The following PRKCH variants were observed in gnomAD, a reference collection of about 807,000 sequenced individuals.
PRKCH encodes the protein protein kinase C eta.
PRKCH carries 28 observed loss-of-function variants against 82.5 expected under a neutral mutation model. The ratio of observed to expected loss-of-function variants is 0.34; its 90% CI spans 0.25 to 0.47. The LOEUF is 0.47. PRKCH is among the 20% of genes least tolerant of loss of function. The pLI is 1.00. For synonymous variants in PRKCH, 322 were observed against 327.4 expected, an observed-to-expected ratio of 0.98 and a Z score of 0.18; for missense variants, 705 against 881.8, an observed-to-expected ratio of 0.80 and a Z score of 2.54.
At chr14:61,474,664 C>A (rs1301918350) in intron 9 of PRKCH, among the ~76,000 whole-genome samples, 1 of 152,122 alleles carries the variant, frequency 6.6e-6, no homozygotes, top group East Asian at 1.9e-4. Flanking sequence ...ATGTAACAAA[C>A]CTGCACGTTG....
chr14:61,322,103 TGTC>T lies in PRKCH; in HGVS notation c.6_8del (p.Ser3?). The T allele has an allele frequency of 6.5e-7, 1 of 1,549,100 alleles. No homozygotes were observed. Among genetic ancestry groups the T allele is most frequent in the Non-Finnish European group, 8.8e-7 (1 of 1,142,132 alleles). On this transcript the variant is annotated start_lost and inframe_deletion, in exon 1 of 14. Coordinates refer to ENST00000332981, the MANE Select transcript of PRKCH (RefSeq NM_006255.5). ...CGGGGCCGGGGCAGCGGCGCCGGCA[TGTC>T]GTCTGGCACCATGAAGTTCAATGGC...
intron 1 of PRKCH, among the ~76,000 whole-genome samples, chr14:61,210,446 C>T (rs2044565693): frequency 6.6e-6 from 1 of 152,198 alleles, no homozygotes; most frequent in Non-Finnish European, 1.5e-5. Flanking sequence ...CAGCCTTTCC[C>T]CAACTTTACC....
rs986163412 is a variant in PRKCH, at chr14:61,324,142, G to A, written c.363+1678G>A. 3.3e-5 allele frequency among the ~76,000 whole-genome samples: 5 copies of A among 152,156 alleles called. No individual in the cohort carries two copies. In the South Asian group the frequency reaches 8.3e-4, roughly 25 times the overall value. ...CACCAGGTGATTCCAGTATGCAGTC[G>A]AGGTGGAGAACCTGCAGCCTACATG... On this transcript the variant is annotated intron_variant, in intron 1 of 13. Transcript: ENST00000332981.
intron 2 of PRKCH, among the ~76,000 whole-genome samples, chr14:61,413,994 C>T (rs915422548): frequency 1.3e-5 from 2 of 152,164 alleles, no homozygotes; most frequent in Non-Finnish European, 2.9e-5. Flanking sequence ...TTTTTGACTT[C>T]TGCAACTCTG....
At chr14:61,235,621 C>T (rs1222952661) in intron 1 of PRKCH, among the ~76,000 whole-genome samples, 1 of 152,170 alleles carries the variant, frequency 6.6e-6, no homozygotes, top group Non-Finnish European at 1.5e-5. Context: ...TGGCCATCTC[C>T]AAAATACAAT....
chr14:61,449,098 C>A, intron 4 of PRKCH, 66 bp from the exon 5 acceptor site: 2 of 1,475,826 alleles, frequency 1.4e-6, no homozygotes, highest in South Asian at 1.1e-5. Context: ...CCCTGGTTGA[C>A]TCTGCTGTAA....
intron 1 of PRKCH, among the ~76,000 whole-genome samples, chr14:61,308,723 G>A (rs2045499933): frequency 6.6e-6 from 1 of 152,032 alleles, no homozygotes; most frequent in South Asian, 2.1e-4. Flanking sequence ...CAAACTGCTG[G>A]GCTCAAGTGA....
intron 3 of PRKCH, among the ~76,000 whole-genome samples, 200 bp from the exon 4 acceptor site, chr14:61,445,492 A>G (rs187509974): frequency 2.0e-5 from 3 of 152,372 alleles, no homozygotes; most frequent in Admixed American, 6.5e-5. Context: ...TGTATCATAC[A>G]GCACATTCTA....
rs548501529 is a variant in PRKCH at position 61,209,492 on chromosome 14, A to G, written c.-19+21824A>G. On this transcript the variant is annotated intron_variant, in intron 1 of 3. Transcript: ENST00000555185. The stretch of plus-strand genomic sequence containing the variant: ...ATCATAGCATCCCGAGCTGACTGAG[A>G]CAACCACCAAGAGTAACTATCATGA... Among the ~76,000 whole-genome samples the G allele has an allele frequency of 5.9e-5, 9 of 152,090 alleles. No homozygotes were observed. In the East Asian group the frequency reaches 9.7e-4, roughly 16 times the overall value.
intron 1 of PRKCH, among the ~76,000 whole-genome samples, chr14:61,380,284 TG>T (rs1479913667): frequency 2.0e-5 from 3 of 149,660 alleles, no homozygotes; most frequent in Non-Finnish European, 4.4e-5. Context: ...CTTGAACTCC[TG>T]GACTCAAGTG....
At chr14:61,426,941 G>A (rs965311069) in intron 2 of PRKCH, among the ~76,000 whole-genome samples, 1 of 152,212 alleles carries the variant, frequency 6.6e-6, no homozygotes, top group Admixed American at 6.5e-5. Context: ...TGTCGACAAA[G>A]AGTCAAACTC....
At chr14:61,468,954 T>TGGCGCTATA (rs1885381162) in intron 9 of PRKCH, among the ~76,000 whole-genome samples, 10 of 152,212 alleles carry the variant, frequency 6.6e-5, no homozygotes, top group Admixed American at 6.5e-4. Context: ...TACTCTGGCT[T>TGGCGCTATA]CAGTAGGGCC....
intron 9 of PRKCH, among the ~76,000 whole-genome samples, chr14:61,474,914 C>A (rs1885664018): frequency 6.6e-6 from 1 of 152,194 alleles, no homozygotes; most frequent in Admixed American, 6.5e-5. Flanking sequence ...GAAATGAATT[C>A]TCAGCCAGTA....
Position 61,531,013 on chromosome 14 carries a change from C to T in PRKCH, c.1761+418C>T, listed in dbSNP as rs975487364. Among the ~76,000 whole-genome samples the T allele has an allele frequency of 8.5e-5, 13 of 152,112 alleles. No homozygotes were observed. The South Asian group carries it at 2.3e-3, about 27-fold the overall frequency. On this transcript the variant is annotated intron_variant, in intron 12 of 13. Coordinates refer to ENST00000332981, the MANE Select transcript of PRKCH (RefSeq NM_006255.5). Reference sequence around the variant, plus strand: ...TCTTCAAGTTGCAGGATGAAGCGGTCGGGTCTTTCTCTTAGGGCTGGGAGA... The same window carrying T: ...TCTTCAAGTTGCAGGATGAAGCGGTTGGGTCTTTCTCTTAGGGCTGGGAGA...
chr14:61,277,089 G>A (rs1383494864), intron 1 of PRKCH, among the ~76,000 whole-genome samples: 2 of 152,146 alleles, frequency 1.3e-5, no homozygotes, highest in Admixed American at 6.5e-5. Flanking sequence ...GGGAGGCTGA[G>A]ACACGAGAAT....
rs186724661 is a variant in PRKCH, at chr14:61,196,572, G to C, written c.-19+8904G>C. On this transcript the variant is annotated intron_variant, in intron 1 of 3. Transcript: ENST00000555185. ...TACATTAAAACTAAAAGTAATTTTA[G>C]TTGACAGGACTATAAAAGTTAGTGC... Among the ~76,000 whole-genome samples, 12 of 152,324 alleles carry C rather than the reference G, an allele frequency of 7.9e-5. No homozygotes were observed. In the East Asian group the frequency reaches 2.3e-3, roughly 29 times the overall value.
intron 1 of PRKCH, among the ~76,000 whole-genome samples, chr14:61,273,220 TA>T (rs2045173850): frequency 6.6e-6 from 1 of 152,180 alleles, no homozygotes; most frequent in African/African-American, 2.4e-5. Flanking sequence ...TGAACTTAAA[TA>T]ACTATGGTGT....
chr14:61,449,141 A>G, intron 4 of PRKCH, 23 bp from the exon 5 acceptor site: 2 of 1,602,684 alleles, frequency 1.2e-6, no homozygotes, highest in Non-Finnish European at 1.7e-6. Context: ...ATAAATGTAT[A>G]ATTGCTGGAT....
chr14:61,445,875 T>C (rs1884196531), intron 4 of PRKCH, 149 bp downstream of exon 4: 1 of 798,940 alleles, frequency 1.3e-6, no homozygotes, highest in East Asian at 2.5e-5. Context: ...TACAACTCTT[T>C]AGTTTGGTGA....
Sources: gnomAD v4.1 joint callset for allele counts (sites outside exome capture counted in the v4.1 genomes callset) on GRCh38, gnomAD v4.1.1 for gene constraint, MANE v1.5 for transcripts, NCBI Gene and HGNC (gene_info 2026-07-23, HGNC 2026-07-21) for gene names.